SPATA31A6: variants seen among roughly 807,000 people sequenced by gnomAD.
SPATA31A6 encodes the protein spermatogenesis-associated protein 31A6.
In SPATA31A6, 9 loss-of-function variants were observed where a neutral mutation model predicts 11.9. That is an observed-to-expected ratio of 0.76 (90% confidence interval 0.46 to 1.32). SPATA31A6 has a LOEUF of 1.32. Ranked by LOEUF, SPATA31A6 falls within the 40% of genes most tolerant of loss-of-function variation. The pLI is 0.00. For synonymous variants in SPATA31A6, 314 were observed against 572.1 expected, an observed-to-expected ratio of 0.55 and a Z score of 6.44; for missense variants, 855 against 1,467.3, an observed-to-expected ratio of 0.58 and a Z score of 6.82.
Position 42,187,226 on chromosome 9 carries a change from T to C in SPATA31A6, c.1524T>C (p.Pro508=). The part of the protein sequence containing the change: ...HLQSSFPVLS[P]AFPSLIKNTG... ...AGTCTTCTTTCCCAGTCCTATCTCC[T>C]GCTTTTCCATCCCTGATTAAGAACA... The change falls in exon 4 of 4, where the codon CCT becomes CCC. Residue 508 remains proline, a synonymous_variant. Coordinates refer to ENST00000332857, the MANE Select transcript of SPATA31A6 (RefSeq NM_001145196.1). 6.5e-7 allele frequency: 1 copy of C among 1,543,254 alleles called. No individual in the cohort carries two copies.
At position 42,186,881 on chromosome 9, in the gene SPATA31A6, C is replaced by CG; in HGVS notation, c.1181dup (p.Pro395ThrfsTer8). On this transcript the variant is annotated frameshift_variant, in exon 4 of 4. Coordinates refer to ENST00000332857, the MANE Select transcript of SPATA31A6 (RefSeq NM_001145196.1). LOFTEE classifies it low-confidence loss of function (END_TRUNC). ...TGGGAGAGAACTCGAAACAGCTGCC[C>CG]GGACCTCAGAAGTGCTCAGATCCTA... The CG allele has an allele frequency of 6.5e-7, 1 of 1,537,062 alleles. No homozygotes were observed. Among genetic ancestry groups the CG allele is most frequent in the Non-Finnish European group, 8.8e-7 (1 of 1,142,302 alleles).
chr9:42,184,560 C>T (rs1413158212), intron 1 of SPATA31A6, among the ~76,000 whole-genome samples: 4 of 121,726 alleles, frequency 3.3e-5, no homozygotes, highest in South Asian at 2.7e-4. Context: ...GATGGAGTCT[C>T]GCTCTGTGAC....
Position 42,185,587 on chromosome 9 carries a change from G to T in SPATA31A6, c.248-108G>T, listed in dbSNP as rs1829431448. The T allele has an allele frequency of 1.3e-5, 16 of 1,214,438 alleles. 4 individuals carry two copies. The highest frequency in any genetic ancestry group is 1.6e-5 in the Non-Finnish European group (14 of 859,802). The allele number at this position is 1,214,438 out of a possible 1,614,324, so 75.2% of individuals were successfully genotyped here. ...GTGGCTTTGGACACAGATGGGTGGG[G>T]TCCAGGGTCTAATTCCCCATGGTCC... On this transcript the variant is annotated intron_variant, in intron 2 of 3. Coordinates refer to ENST00000332857, the MANE Select transcript of SPATA31A6 (RefSeq NM_001145196.1).
Position 42,185,033 on chromosome 9 carries a change from C to T in SPATA31A6, c.190-36C>T, listed in dbSNP as rs765762276. 7.8e-6 allele frequency: 12 copies of T among 1,533,714 alleles called. 1 individual carries two copies. The highest frequency in any genetic ancestry group is 2.5e-5 in the East Asian group (1 of 40,780). On this transcript the variant is annotated intron_variant, in intron 1 of 3. Coordinates refer to ENST00000332857, the MANE Select transcript of SPATA31A6 (RefSeq NM_001145196.1). Reference sequence around the variant, plus strand: ...CTCCCATTGTCATCTTGTCTCTCCGCGTCATCTTGTCTCCGTACGTCATCA... The same window carrying T: ...CTCCCATTGTCATCTTGTCTCTCCGTGTCATCTTGTCTCCGTACGTCATCA...
chr9:42,185,437 C>T, intron 2 of SPATA31A6: 1 of 630,240 alleles, frequency 1.6e-6, no homozygotes. Context: ...TCTTTGAGAC[C>T]ACCTCAGTCC....
In SPATA31A6 at chr9:42,189,534, G is replaced by A. The variant is rs1587331218; in HGVS notation, c.3832G>A (p.Asp1278Asn). ...TLKSQGCPNR[D>N]RQIRNQQPLK... ...CAAGAGCCAGGGTTGTCCCAACAGA[G>A]ACAGGCAAATCAGAAATCAACAGCC... Residue 1278 changes from aspartate (D) to asparagine (N), a missense_variant, in exon 4 of 4, where the codon GAC becomes AAC. Transcript: ENST00000332857. The A allele has an allele frequency of 1.9e-6, 3 of 1,543,290 alleles. No individual in the cohort carries two copies. Among genetic ancestry groups the A allele is most frequent in the East Asian group, 2.4e-5 (1 of 41,150 alleles).
At chr9:42,184,405 G>A (rs1387747145) in intron 1 of SPATA31A6, among the ~76,000 whole-genome samples, 6 of 130,520 alleles carry the variant, frequency 4.6e-5, no homozygotes, top group African/African-American at 9.5e-5. Context: ...AGGGACTGAA[G>A]GTGTCCGTGG....
At position 42,187,715 on chromosome 9, in the gene SPATA31A6, G is replaced by A. The variant is rs758708183; in HGVS notation, c.2013G>A (p.Leu671=). 3 of 1,519,546 alleles carry A rather than the reference G, an allele frequency of 2.0e-6. 1 individual carries two copies. The highest frequency in any genetic ancestry group is 3.4e-5 in the African/African-American group (2 of 58,792). The allele number at this position is 1,519,546 out of a possible 1,614,324, so 94.1% of individuals were successfully genotyped here. A position where few individuals can be genotyped will look rare whatever the true frequency, so the allele number is the denominator to read the frequency against. The stretch of plus-strand genomic sequence containing the variant: ...TGTGCCCACATCTGGGGCAAATTCT[G>A]GGTGAGACCCCACAAAATCTATCCA... ...RDLCPHLGQI[L]GETPQNLSRD... Residue 671 remains leucine (L), a synonymous_variant, in exon 4 of 4, where the codon CTG becomes CTA. Coordinates refer to ENST00000332857, the MANE Select transcript of SPATA31A6 (RefSeq NM_001145196.1).
Position 42,189,377 on chromosome 9 carries a change from C to T in SPATA31A6, c.3675C>T (p.Ala1225=). 1 of 1,542,468 alleles carries T rather than the reference C, an allele frequency of 6.5e-7. No homozygotes were observed. Among genetic ancestry groups the T allele is most frequent in the Non-Finnish European group, 8.8e-7 (1 of 1,138,464 alleles). The stretch of plus-strand genomic sequence containing the variant: ...TGTCACTTTGCCATGCGCACCATGC[C>T]TCGAAGGTAAATCAGCACAAACAGA... ...KKMSLCHAHH[A]SKVNQHKQKF... Residue 1225 remains alanine, a synonymous_variant, in exon 4 of 4, where the codon GCC becomes GCT. Coordinates refer to ENST00000332857, the MANE Select transcript of SPATA31A6 (RefSeq NM_001145196.1).
Position 42,189,365 on chromosome 9 carries a change from T to C in SPATA31A6, c.3663T>C (p.His1221=), listed in dbSNP as rs760384119. ...QMLDKKMSLC[H]AHHASKVNQH... ...TGGACAAGAAAATGTCACTTTGCCA[T>C]GCGCACCATGCCTCGAAGGTAAATC... Residue 1221 remains histidine, a synonymous_variant, in exon 4 of 4, where the codon CAT becomes CAC. Coordinates refer to ENST00000332857, the MANE Select transcript of SPATA31A6 (RefSeq NM_001145196.1). The C allele has an allele frequency of 7.8e-6, 12 of 1,540,472 alleles. 2 individuals are homozygous for C. In the South Asian group the frequency reaches 1.1e-4, roughly 14 times the overall value.
chr9:42,187,400 T>C lies in SPATA31A6; in HGVS notation c.1698T>C (p.Ser566=). 1.3e-6 allele frequency: 2 copies of C among 1,530,946 alleles called. 1 individual carries two copies. Among genetic ancestry groups the C allele is most frequent in the African/African-American group, 3.2e-5 (2 of 62,992 alleles). 94.8% of individuals were successfully genotyped at this position (1,530,946 alleles called of 1,614,324 possible). The change falls in exon 4 of 4, where the codon AGT becomes AGC. Residue 566 remains serine (S), a synonymous_variant. Coordinates refer to ENST00000332857, the MANE Select transcript of SPATA31A6 (RefSeq NM_001145196.1). ...TCCAAAAATCTCAGGACGTCTTTAG[T>C]GTCTCCACTCCTAACCTTCCCCAGG... ...SRVQKSQDVF[S]VSTPNLPQES... is the part of the protein sequence containing the mutation.
In SPATA31A6 at chr9:42,183,727, T is replaced by C. The variant is rs761297761; in HGVS notation, c.40T>C (p.Ser14Pro). The C allele has an allele frequency of 7.2e-6, 11 of 1,535,544 alleles. 1 individual carries two copies. The South Asian group carries it at 8.0e-5, about 11-fold the overall frequency. The change falls in exon 1 of 4, where the codon TCA becomes CCA. Residue 14 changes from serine (S) to proline (P), a missense_variant. Transcript: ENST00000332857. The part of the protein sequence containing the change: ...LPFPLKLLSA[S>P]SLNAPSSTPW... The stretch of plus-strand genomic sequence containing the variant: ...CTTTCCTTTAAAATTACTTAGTGCC[T>C]CATCGCTAAACGCCCCCAGCTCCAC...
chr9:42,186,733 A>G lies in SPATA31A6; in HGVS notation c.1031A>G (p.Lys344Arg), dbSNP rs780974049. The G allele has an allele frequency of 4.8e-5, 73 of 1,530,028 alleles. 15 individuals carry two copies. The East Asian group carries it at 1.5e-3, about 32-fold the overall frequency. The allele number at this position is 1,530,028 out of a possible 1,614,324, so 94.8% of individuals were successfully genotyped here. The stretch of plus-strand genomic sequence containing the variant: ...GCCAAGGTCAACATTTGGGAAGAAA[A>G]AGAAAATGTTGGATCATTTACAAAT... ...ETAKVNIWEE[K>R]ENVGSFTNQM... Residue 344 changes from lysine to arginine, a missense_variant, in exon 4 of 4, where the codon AAA becomes AGA. By Grantham distance (26) the Lys-to-Arg change is conservative. Coordinates refer to ENST00000332857, the MANE Select transcript of SPATA31A6 (RefSeq NM_001145196.1).
At position 42,189,078 on chromosome 9, in the gene SPATA31A6, A is replaced by G; in HGVS notation, c.3376A>G (p.Thr1126Ala). ...TGAAGAAAGGCTTGAAGGATTGAGGACTCCTCAACTTACCCCAGTCAGGAA... is the reference window on the plus strand; with the variant it reads ...TGAAGAAAGGCTTGAAGGATTGAGGGCTCCTCAACTTACCCCAGTCAGGAA... ...KHEERLEGLRTPQLTPVRKTE... is the reference protein window; with the variant it reads ...KHEERLEGLRAPQLTPVRKTE... Residue 1126 changes from threonine (T) to alanine (A), a missense_variant, in exon 4 of 4, where the codon ACT (threonine) becomes GCT (alanine). By Grantham distance (58) the Thr-to-Ala change is moderately conservative. Transcript: ENST00000332857. 6.5e-7 allele frequency: 1 copy of G among 1,547,852 alleles called. No homozygotes were observed. Among genetic ancestry groups the G allele is most frequent in the Non-Finnish European group, 8.8e-7 (1 of 1,141,334 alleles).
intron 1 of SPATA31A6, 59 bp downstream of exon 1, chr9:42,183,935 A>G: frequency 6.6e-7 from 1 of 1,523,288 alleles, no homozygotes; most frequent in Non-Finnish European, 8.8e-7. Context: ...TTTTATTATT[A>G]GTTCCACTTT....
intron 1 of SPATA31A6, among the ~76,000 whole-genome samples, chr9:42,184,503 G>T (rs1333030429): frequency 9.8e-6 from 1 of 102,480 alleles, no homozygotes; most frequent in Admixed American, 1.0e-4. Flanking sequence ...TTATTTGTGT[G>T]TTATTTTATT....
In SPATA31A6 at chr9:42,187,641, G is replaced by T; in HGVS notation, c.1939G>T (p.Glu647Ter). 1 of 1,497,728 alleles carries T rather than the reference G, an allele frequency of 6.7e-7. No individual in the cohort carries two copies. The highest frequency in any genetic ancestry group is 9.0e-7 in the Non-Finnish European group (1 of 1,116,722). The allele number at this position is 1,497,728 out of a possible 1,614,324, so 92.8% of individuals were successfully genotyped here. The change falls in exon 4 of 4, where the codon GAA becomes TAA. Residue 647 changes from glutamate (E) to a stop codon, truncating the protein, a stop_gained. Transcript: ENST00000332857. LOFTEE classifies it low-confidence loss of function (END_TRUNC). Reference sequence around the variant, plus strand: ...CTGGCAGTCCTCCACGTCCACAGGTGAAAGCAGCAAGGAGGCACAGAAGGT... The same window carrying T: ...CTGGCAGTCCTCCACGTCCACAGGTTAAAGCAGCAAGGAGGCACAGAAGGT... ...SPWQSSTSTG[E>*]SSKEAQKVKF...
In SPATA31A6 at chr9:42,186,740, T is replaced by C. The variant is rs750851407; in HGVS notation, c.1038T>C (p.Asn346=). The change falls in exon 4 of 4, where the codon AAT becomes AAC. Residue 346 remains asparagine (N), a synonymous_variant. Coordinates refer to ENST00000332857, the MANE Select transcript of SPATA31A6 (RefSeq NM_001145196.1). ...TCAACATTTGGGAAGAAAAAGAAAATGTTGGATCATTTACAAATCAAATGA... is the reference window on the plus strand; with the variant it reads ...TCAACATTTGGGAAGAAAAAGAAAACGTTGGATCATTTACAAATCAAATGA... ...AKVNIWEEKE[N]VGSFTNQMTP... 21 of 1,528,592 alleles carry C rather than the reference T, an allele frequency of 1.4e-5. 4 individuals carry two copies. Among genetic ancestry groups the C allele is most frequent in the Middle Eastern group, 4.5e-4 (2 of 4,468 alleles). The allele number at this position is 1,528,592 out of a possible 1,614,324, so 94.7% of individuals were successfully genotyped here. A position where few individuals can be genotyped will look rare whatever the true frequency, so the allele number is the denominator to read the frequency against.
chr9:42,187,098 C>T lies in SPATA31A6; in HGVS notation c.1396C>T (p.Leu466Phe), dbSNP rs757557937. The change falls in exon 4 of 4, where the codon CTT (leucine) becomes TTT (phenylalanine). Residue 466 changes from leucine (L) to phenylalanine (F), a missense_variant. Leu to Phe is a conservative substitution (Grantham distance 22). Coordinates refer to ENST00000332857, the MANE Select transcript of SPATA31A6 (RefSeq NM_001145196.1). ...IQRETTMSPL[L>F]FQAQPLSHRQ... ...AAGGGAGACTACAATGTCCCCACTG[C>T]TTTTCCAGGCCCAGCCCCTGTCCCA... 7 of 1,542,556 alleles carry T rather than the reference C, an allele frequency of 4.5e-6. 2 individuals carry two copies. The East Asian group carries it at 7.2e-5, about 16-fold the overall frequency.
Sources: gnomAD v4.1 joint callset for allele counts (sites outside exome capture counted in the v4.1 genomes callset) on GRCh38, gnomAD v4.1.1 for gene constraint, MANE v1.5 for transcripts, NCBI Gene and HGNC (gene_info 2026-07-23, HGNC 2026-07-21) for gene names.